SMIM7: variants seen among roughly 807,000 people sequenced by gnomAD.
SMIM7 encodes UPF0608 protein C19orf42.
In SMIM7, 12 loss-of-function variants were observed where a neutral mutation model predicts 13.3. That is an observed-to-expected ratio of 0.90 (90% CI 0.58 to 1.46). The LOEUF (loss-of-function observed/expected upper bound fraction) is 1.46, where lower values mean the gene tolerates loss of function less well. Ranked by LOEUF, SMIM7 falls within the 40% of genes most tolerant of loss-of-function variation. The pLI, the probability that SMIM7 is intolerant of heterozygous loss-of-function variation, is 0.00. For missense variants in SMIM7, 114 were observed against 94.8 expected, an observed-to-expected ratio of 1.20 and a Z score of -0.84; for synonymous variants, 36 against 35.8, an observed-to-expected ratio of 1.01 and a Z score of -0.02.
intron 4 of SMIM7, chr19:16,652,532 C>G (rs950996554): frequency 7.6e-6 from 8 of 1,056,102 alleles, no homozygotes; most frequent in Non-Finnish European, 9.2e-6. Flanking sequence ...GTTCCTTGAT[C>G]TCCTCACAAG....
At chr19:16,642,809 G>A (rs1280736135), downstream of SMIM7, among the ~76,000 whole-genome samples, 5 of 151,396 alleles carry the variant, frequency 3.3e-5, no homozygotes, top group South Asian at 4.2e-4. Context: ...CTTGGCAACA[G>A]AGTGAGACCT....
At position 16,660,118 on chromosome 19, in the gene SMIM7, G is replaced by A. The variant is rs761512672; in HGVS notation, c.-8C>T. 6.2e-6 allele frequency: 10 copies of A among 1,614,006 alleles called. No individual in the cohort carries two copies. Among genetic ancestry groups the A allele is most frequent in the East Asian group, 2.2e-5 (1 of 44,898 alleles). ...CAGGATGTCTCCGATCATCGTTACG[G>A]CCGAAGCGTCCGTCAGAACCGGAAG... On this transcript the variant is annotated 5_prime_UTR_variant, in exon 1 of 5. Transcript: ENST00000487416.
rs776180852 is a variant in SMIM7, at chr19:16,654,020, G to C, written c.212+15C>G. On this transcript the variant is annotated intron_variant, in intron 4 of 4. Transcript: ENST00000487416. ...TAAGAGACGACAGTGAAAGGAAAGG[G>C]CAGGCTGGACTCACACAATCATGCA... 1.2e-6 allele frequency: 2 copies of C among 1,610,720 alleles called. No individual in the cohort carries two copies. Among genetic ancestry groups the C allele is most frequent in the Non-Finnish European group, 1.7e-6 (2 of 1,177,714 alleles).
intron 4 of SMIM7, among the ~76,000 whole-genome samples, chr19:16,638,078 T>C (rs2122493724): frequency 6.6e-6 from 1 of 150,802 alleles, no homozygotes; most frequent in South Asian, 2.1e-4. Flanking sequence ...GCCAACGTGG[T>C]GAAACCCCAC....
Position 16,647,183 on chromosome 19 carries a change from A to T in SMIM7, c.*63T>A. ...GGTCAAAAACATTCTTGAAGTCATC[A>T]GGAATGGAGGAATGGAGACTCGGCA... On this transcript the variant is annotated 3_prime_UTR_variant, in exon 5 of 5. Transcript: ENST00000487416. 6.2e-7 allele frequency: 1 copy of T among 1,606,680 alleles called. No individual in the cohort carries two copies. Among genetic ancestry groups the T allele is most frequent in the African/African-American group, 1.3e-5 (1 of 74,836 alleles).
chr19:16,659,081 G>A (rs778523423), intron 3 of SMIM7: 4 of 385,160 alleles, frequency 1.0e-5, no homozygotes, highest in South Asian at 2.5e-5. Flanking sequence ...CCAGGAGTTC[G>A]AGACCGGCCT....
At chr19:16,656,389 A>G (rs962210081) in intron 3 of SMIM7, among the ~76,000 whole-genome samples, 2 of 152,084 alleles carry the variant, frequency 1.3e-5, no homozygotes, top group Non-Finnish European at 2.9e-5. Context: ...GTCTCAAAAA[A>G]TAAAAAAAGG....
chr19:16,647,592 A>C, intron 4 of SMIM7, among the ~76,000 whole-genome samples: 1 of 150,202 alleles, frequency 6.7e-6, no homozygotes, highest in Non-Finnish European at 1.5e-5. Context: ...AGTAGCTGCA[A>C]TTACAGGCGC....
intron 4 of SMIM7, chr19:16,652,939 C>T (rs1275760966): frequency 6.4e-7 from 1 of 1,550,570 alleles, no homozygotes. Context: ...GATGGAAAGG[C>T]AATCTGCTTG....
chr19:16,646,909 A>G lies in SMIM7; in HGVS notation c.*337T>C, dbSNP rs2086455868. 2.7e-6 allele frequency: 1 copy of G among 373,198 alleles called. No homozygotes were observed. The highest frequency in any genetic ancestry group is 4.9e-6 in the Non-Finnish European group (1 of 202,510). 23.1% of individuals were successfully genotyped at this position (373,198 alleles called of 1,614,324 possible). ...CCAAAAATACGGCTGTGTTAAACTAACAAGCCAATCCTTCTGCTCAGATCT... is the reference window on the plus strand; with the variant it reads ...CCAAAAATACGGCTGTGTTAAACTAGCAAGCCAATCCTTCTGCTCAGATCT... On this transcript the variant is annotated 3_prime_UTR_variant, in exon 5 of 5. Coordinates refer to ENST00000487416, the MANE Select transcript of SMIM7 (RefSeq NM_024104.4).
intron 4 of SMIM7, among the ~76,000 whole-genome samples, chr19:16,648,885 G>T (rs1443842638): frequency 2.0e-5 from 3 of 151,890 alleles, no homozygotes; most frequent in Non-Finnish European, 4.4e-5. Context: ...GTGTGGTAGT[G>T]CACACCCATA....
chr19:16,651,001 T>C (rs971931683), intron 4 of SMIM7, among the ~76,000 whole-genome samples: 1 of 152,244 alleles, frequency 6.6e-6, no homozygotes, highest in South Asian at 2.1e-4. Context: ...CAGAACCTTC[T>C]GGCACATCAT....
chr19:16,658,033 T>C (rs1000580179), intron 3 of SMIM7, among the ~76,000 whole-genome samples: 1 of 152,174 alleles, frequency 6.6e-6, no homozygotes, highest in Non-Finnish European at 1.5e-5. Context: ...AGACCCTGTC[T>C]CTAAAAGAAG....
At position 16,654,122 on chromosome 19, in the gene SMIM7, T is replaced by A. The variant is rs775408457; in HGVS notation, c.125A>T (p.Asp42Val). The change falls in exon 4 of 5, where the codon GAC (aspartate) becomes GTC (valine). Residue 42 changes from aspartate to valine, a missense_variant. Physicochemically the swap from Asp to Val is radical, Grantham distance 152. Coordinates refer to ENST00000487416, the MANE Select transcript of SMIM7 (RefSeq NM_024104.4). ...GCTCAGCAAGAATTCCCGGATGTTG[T>A]CACCTGGAAGAATCAGAAAGCACTT... ...GEESREPSTG[D>V]NIREFLLSLR... is the part of the protein sequence containing the mutation. 2 of 1,613,556 alleles carry A rather than the reference T, an allele frequency of 1.2e-6. No homozygotes were observed. Among genetic ancestry groups the A allele is most frequent in the South Asian group, 2.2e-5 (2 of 91,032 alleles).
At chr19:16,659,180 G>A (rs1370643370) in intron 3 of SMIM7, 2 of 618,268 alleles carry the variant, frequency 3.2e-6, no homozygotes, top group South Asian at 1.8e-5. Flanking sequence ...CTACTAAGGG[G>A]GCTGAGGTGG....
intron 4 of SMIM7, chr19:16,635,358 A>T (rs2086350951): frequency 7.2e-6 from 1 of 138,644 alleles, no homozygotes; most frequent in South Asian, 2.2e-4. Context: ...GTGAGACACC[A>T]TCTCAAAAAA....
At chr19:16,648,648 C>T (rs989819116) in intron 4 of SMIM7, among the ~76,000 whole-genome samples, 2 of 152,126 alleles carry the variant, frequency 1.3e-5, no homozygotes, top group Admixed American at 6.5e-5. Flanking sequence ...AGGAGGTGGA[C>T]AAATGGCCAA....
chr19:16,659,343 G>A, intron 3 of SMIM7, 52 bp downstream of exon 3: 3 of 1,355,548 alleles, frequency 2.2e-6, no homozygotes, highest in Middle Eastern at 3.7e-4. Flanking sequence ...TGGCGAAACA[G>A]AACTGTCCTC....
At chr19:16,657,698 G>T (rs2086613935) in intron 3 of SMIM7, among the ~76,000 whole-genome samples, 1 of 152,158 alleles carries the variant, frequency 6.6e-6, no homozygotes, top group African/African-American at 2.4e-5. Context: ...AGCACCCAAG[G>T]GCAGGCCCCC....
Sources: allele counts gnomAD v4.1 joint callset (sites outside exome capture counted in the v4.1 genomes callset), GRCh38; gene constraint gnomAD v4.1.1; transcripts MANE v1.5; gene names NCBI Gene and HGNC (gene_info 2026-07-23, HGNC 2026-07-21).